SUMF1: variants seen among roughly 807,000 people sequenced by gnomAD.
SUMF1 encodes formylglycine-generating enzyme.
SUMF1 carries 48 observed loss-of-function variants against 47.6 expected under a neutral mutation model. The ratio of observed to expected loss-of-function variants is 1.01; its 90% CI spans 0.80 to 1.28. The LOEUF is 1.28. Among genes scored for constraint, SUMF1 ranks in the 50% most tolerant of loss-of-function variants. The probability of loss-of-function intolerance (pLI) is 0.00; values close to 1 mark genes in which losing one functional copy is unlikely to be tolerated. For missense variants in SUMF1, 571 were observed against 485.4 expected (o/e 1.18, Z -1.66); for synonymous variants, 230 against 192.1 (o/e 1.20, Z -1.63).
chr3:4,119,260 C>T (rs1254249552), intron 8 of SUMF1, among the ~76,000 whole-genome samples: 1 of 152,158 alleles, frequency 6.6e-6, no homozygotes, highest in Non-Finnish European at 1.5e-5. Context: ...CTCTTCCTAT[C>T]CAGTCCATCC....
At chr3:4,455,060 T>C (rs1703109687) in intron 1 of SUMF1, among the ~76,000 whole-genome samples, 2 of 152,166 alleles carry the variant, frequency 1.3e-5, no homozygotes, top group Admixed American at 6.5e-5. Context: ...AAAGAGTGTA[T>C]TGCATTCTAT....
At chr3:4,130,772 T>C (rs974512084) in intron 8 of SUMF1, among the ~76,000 whole-genome samples, 1 of 152,076 alleles carries the variant, frequency 6.6e-6, no homozygotes, top group African/African-American at 2.4e-5. Flanking sequence ...AACACATTCC[T>C]CAATTAGGTG....
chr3:4,366,091 T>A (rs1020301556), intron 8 of SUMF1, among the ~76,000 whole-genome samples: 6 of 151,938 alleles, frequency 3.9e-5, no homozygotes, highest in African/African-American at 1.2e-4. Flanking sequence ...GATCCGCTGT[T>A]AGTCTGATGG....
At chr3:4,039,857 CA>C (rs1455683607) in intron 9 of SUMF1, among the ~76,000 whole-genome samples, 2 of 151,812 alleles carry the variant, frequency 1.3e-5, no homozygotes, top group East Asian at 1.9e-4. Context: ...CTAGTTTCTA[CA>C]AAAAAAATTT....
At chr3:4,323,813 G>C (rs555847710) in intron 8 of SUMF1, among the ~76,000 whole-genome samples, 15 of 152,268 alleles carry the variant, frequency 9.9e-5, no homozygotes, top group African/African-American at 3.6e-4. Flanking sequence ...ACACAGCTTT[G>C]GGGTGCAGGG....
chr3:4,425,783 G>C (rs190220355), intron 3 of SUMF1, among the ~76,000 whole-genome samples: 1 of 152,330 alleles, frequency 6.6e-6, no homozygotes, highest in Non-Finnish European at 1.5e-5. Context: ...ATTTATAAAG[G>C]AAAGAAGTTT....
chr3:4,070,108 G>A (rs1027809306), intron 8 of SUMF1, among the ~76,000 whole-genome samples: 3 of 152,104 alleles, frequency 2.0e-5, no homozygotes, highest in African/African-American at 4.8e-5. Context: ...TAAACTCAAC[G>A]AATTATGACC....
chr3:4,331,793 G>T (rs1326578146), intron 8 of SUMF1, among the ~76,000 whole-genome samples: 2 of 152,160 alleles, frequency 1.3e-5, no homozygotes, highest in Non-Finnish European at 2.9e-5. Context: ...TCGCGCCACT[G>T]CACTCTAGCC....
intron 3 of SUMF1, among the ~76,000 whole-genome samples, chr3:4,447,880 G>A (rs1032508584): frequency 8.5e-5 from 13 of 152,206 alleles, no homozygotes; most frequent in African/African-American, 3.1e-4. Context: ...TAATGTGTTT[G>A]GAGGTTCTCA....
intron 8 of SUMF1, among the ~76,000 whole-genome samples, chr3:4,306,514 A>C (rs578150686): frequency 2.6e-5 from 4 of 152,338 alleles, no homozygotes; most frequent in Non-Finnish European, 5.9e-5. Context: ...TGTTCTAACT[A>C]TCTCTGTATA....
At chr3:4,295,157 G>A (rs1437639148) in intron 8 of SUMF1, among the ~76,000 whole-genome samples, 2 of 152,040 alleles carry the variant, frequency 1.3e-5, no homozygotes, top group Non-Finnish European at 2.9e-5. Flanking sequence ...TCGTTTCCAT[G>A]GTTTCCTTTC....
intron 7 of SUMF1, among the ~76,000 whole-genome samples, chr3:4,386,063 T>C (rs1318761257): frequency 1.3e-5 from 2 of 152,194 alleles, no homozygotes; most frequent in Non-Finnish European, 2.9e-5. Context: ...ATTGGGTAGA[T>C]TGGTTCCTCT....
intron 8 of SUMF1, among the ~76,000 whole-genome samples, chr3:4,094,653 T>C (rs1486454159): frequency 6.6e-6 from 1 of 152,098 alleles, no homozygotes; most frequent in African/African-American, 2.4e-5. Context: ...ATTTTAACAA[T>C]AAATTATGCA....
chr3:4,232,866 C>G (rs1310409787), intron 8 of SUMF1, among the ~76,000 whole-genome samples: 2 of 152,064 alleles, frequency 1.3e-5, no homozygotes, highest in African/African-American at 4.8e-5. Flanking sequence ...AATGTCCAAG[C>G]ACCAGGTTGC....
chr3:4,071,025 C>A (rs1239894627), intron 8 of SUMF1, among the ~76,000 whole-genome samples: 1 of 151,912 alleles, frequency 6.6e-6, no homozygotes, highest in Admixed American at 6.6e-5. Context: ...GTTGATTTAG[C>A]TTTGTGTAGT....
intron 8 of SUMF1, among the ~76,000 whole-genome samples, chr3:4,126,455 AC>A (rs1284432426): frequency 6.6e-6 from 1 of 151,968 alleles, no homozygotes; most frequent in Admixed American, 6.6e-5. Context: ...TGTCTTTAAA[AC>A]TTTTTTTGCA....
chr3:4,360,320 CT>C (rs11291635), downstream of SUMF1, among the ~76,000 whole-genome samples: 15,653 of 135,286 alleles, frequency 0.12, 1,782 homozygotes, highest in African/African-American at 0.29. Flanking sequence ...AGCTACATGA[CT>C]TTTTTTTTTT....
rs200734735 is a variant in SUMF1, at chr3:4,151,739, T to G, written c.1015-82994A>C. Among the ~76,000 whole-genome samples, 40 of 151,076 alleles carry G rather than the reference T, an allele frequency of 2.6e-4. No homozygotes were observed. The East Asian group carries it at 5.6e-3, about 21-fold the overall frequency. ...AATCACAAAAAAATCTCATAATGTTTTAAGAAAGTTTATGAATCTGTGTTG... is the reference window on the plus strand; with the variant it reads ...AATCACAAAAAAATCTCATAATGTTGTAAGAAAGTTTATGAATCTGTGTTG... On this transcript the variant is annotated intron_variant and NMD_transcript_variant, in intron 8 of 12. Transcript: ENST00000448413.
chr3:4,261,709 T>C (rs1487007809), intron 8 of SUMF1, among the ~76,000 whole-genome samples: 2 of 152,198 alleles, frequency 1.3e-5, no homozygotes, highest in East Asian at 3.9e-4. Context: ...ATCTCAAGCC[T>C]GCTTGAAAAA....
Sources: allele counts gnomAD v4.1 joint callset (sites outside exome capture counted in the v4.1 genomes callset), GRCh38; gene constraint gnomAD v4.1.1; transcripts MANE v1.5; gene names NCBI Gene and HGNC (gene_info 2026-07-23, HGNC 2026-07-21).